Variants in FAR1 observed in about 807,000 individuals in gnomAD.
FAR1 encodes male sterility domain-containing protein 2.
A neutral mutation model predicts 61.1 loss-of-function variants in FAR1; 22 were observed. That is an observed-to-expected ratio of 0.36 (90% CI 0.26 to 0.51). The LOEUF (loss-of-function observed/expected upper bound fraction) is 0.51. FAR1 is among the 20% of genes least tolerant of loss of function. The pLI, the probability that FAR1 is intolerant of heterozygous loss-of-function variation, is 0.95. For synonymous variants in FAR1, 206 were observed against 209.7 expected (o/e 0.98, Z 0.15); for missense variants, 359 against 626.9 (o/e 0.57, Z 4.56).
intron 1 of FAR1, among the ~76,000 whole-genome samples, chr11:13,686,172 A>T (rs1848182791): frequency 6.6e-6 from 1 of 152,226 alleles, no homozygotes; most frequent in Non-Finnish European, 1.5e-5. Flanking sequence ...AAAGTTATTA[A>T]GGAGACTTTT....
At chr11:13,685,594 A>G (rs1213142819) in intron 1 of FAR1, 4 of 213,384 alleles carry the variant, frequency 1.9e-5, no homozygotes, top group South Asian at 1.6e-4. Flanking sequence ...GAGTGGGACA[A>G]TTTTTTGCTT....
intron 9 of FAR1, among the ~76,000 whole-genome samples, chr11:13,716,123 G>A (rs1848552921): frequency 6.6e-6 from 1 of 152,120 alleles, no homozygotes; most frequent in South Asian, 2.1e-4. Flanking sequence ...AAATGCAGAT[G>A]TAAATTCATG....
intron 1 of FAR1, among the ~76,000 whole-genome samples, chr11:13,677,354 C>G (rs918716596): frequency 6.6e-6 from 1 of 152,158 alleles, no homozygotes; most frequent in Non-Finnish European, 1.5e-5. Context: ...CTTTTTTATA[C>G]CTTTCTAGGA....
chr11:13,697,057 C>T (rs993949845), intron 2 of FAR1, among the ~76,000 whole-genome samples: 1 of 152,202 alleles, frequency 6.6e-6, no homozygotes, highest in African/African-American at 2.4e-5. Flanking sequence ...TGTTTTTAGA[C>T]ATCACCAAAT....
Position 13,714,649 on chromosome 11 carries a change from A to G in FAR1, c.1096A>G (p.Ile366Val), listed in dbSNP as rs1233646889. 6.2e-7 allele frequency: 1 copy of G among 1,612,528 alleles called. No homozygotes were observed. Among genetic ancestry groups the G allele is most frequent in the South Asian group, 1.1e-5 (1 of 90,938 alleles). ...SHKAPAFLYD[I>V]YLRMTGRSPR... is the part of the protein sequence containing the mutation. ...TAAGGCCCCAGCATTCCTGTATGAT[A>G]TCTACCTCAGGATGACTGGAAGAAG... is the stretch of plus-strand genomic sequence containing the variant. The change falls in exon 9 of 12, where the codon ATC becomes GTC. Residue 366 changes from isoleucine (I) to valine (V), a missense_variant. This residue lies in a region of FAR1 where 344 missense variants were observed against 570.3 expected (regional missense o/e 0.60). Coordinates refer to ENST00000354817, the MANE Select transcript of FAR1 (RefSeq NM_032228.6).
intron 1 of FAR1, among the ~76,000 whole-genome samples, chr11:13,673,056 A>G (rs2653366): frequency 0.98 from 148,501 of 152,290 alleles, 72,504 homozygotes; most frequent in Middle Eastern, 1. Flanking sequence ...CTGGATTTAG[A>G]TATAGCTGAT....
In FAR1 at chr11:13,723,362, CAAAA is replaced by C. The variant is rs71313446; in HGVS notation, c.1257+1521_1257+1524del. The C allele has an allele frequency of 7.5e-4, 195 of 259,384 alleles. 1 individual carries two copies. Among genetic ancestry groups the C allele is most frequent in the Admixed American group, 9.3e-4 (15 of 16,188 alleles). 16.1% of individuals were successfully genotyped at this position (259,384 alleles called of 1,614,324 possible). ...CTTGAACAATAGAGTGAGAGTCTCTCAAAAAAAAAAAAAAAAAAAAACCCCAAAA... is the reference window on the plus strand; with the variant it reads ...CTTGAACAATAGAGTGAGAGTCTCTCAAAAAAAAAAAAAAAAACCCCAAAA... On this transcript the variant is annotated intron_variant, in intron 10 of 11. Coordinates refer to ENST00000354817, the MANE Select transcript of FAR1 (RefSeq NM_032228.6).
intron 4 of FAR1, 143 bp from the exon 5 acceptor site, chr11:13,710,550 C>A: frequency 3.1e-6 from 2 of 644,624 alleles, no homozygotes; most frequent in Non-Finnish European, 5.0e-6. Flanking sequence ...AAAAATAAGA[C>A]TAAGTTCCAT....
chr11:13,716,582 C>A (rs564146130), intron 9 of FAR1, among the ~76,000 whole-genome samples: 13 of 152,154 alleles, frequency 8.5e-5, no homozygotes, highest in African/African-American at 3.1e-4. Context: ...TTAATGATAG[C>A]CTTAGGGGAA....
chr11:13,687,522 G>T (rs1001660868), intron 1 of FAR1, among the ~76,000 whole-genome samples: 1 of 152,152 alleles, frequency 6.6e-6, no homozygotes, highest in African/African-American at 2.4e-5. Flanking sequence ...TTCCTTTCAT[G>T]GCTTTTGCTT....
At chr11:13,702,319 A>AT (rs752625907) in intron 3 of FAR1, among the ~76,000 whole-genome samples, 12 of 152,190 alleles carry the variant, frequency 7.9e-5, no homozygotes, top group Non-Finnish European at 1.5e-4. Context: ...CCTGTATATT[A>AT]TTTTTTCTAC....
chr11:13,668,681 C>T lies in FAR1; in HGVS notation c.-133C>T, dbSNP rs552968829. 3.3e-5 allele frequency: 5 copies of T among 153,292 alleles called. No individual in the cohort carries two copies. The Admixed American group carries it at 3.3e-4, about 10-fold the overall frequency. 9.5% of individuals were successfully genotyped at this position (153,292 alleles called of 1,614,324 possible). A position where few individuals can be genotyped will look rare whatever the true frequency, so the allele number is the denominator to read the frequency against. On this transcript the variant is annotated 5_prime_UTR_variant, in exon 1 of 12. Transcript: ENST00000354817. ...GCCAATGGGCGTGCCACTGCCCGTC[C>T]GCTCTTCAGCAGCCGGTCGCGGGCG...
Position 13,712,987 on chromosome 11 carries a change from T to C in FAR1, c.909T>C (p.Tyr303=), listed in dbSNP as rs2293593. 1,243 of 1,613,200 alleles carry C rather than the reference T, an allele frequency of 7.7e-4. 19 individuals are homozygous for C. In the East Asian group the frequency reaches 0.021, roughly 28 times the overall value. ...GCAGACCAAGAAACATCATGGTGTA[T>C]AATTGTACAACAGGCAGCACTAATC... ...GVNRPRNIMV[Y]NCTTGSTNPF... Residue 303 remains tyrosine, a synonymous_variant, in exon 8 of 12, where the codon TAT becomes TAC. Coordinates refer to ENST00000354817, the MANE Select transcript of FAR1 (RefSeq NM_032228.6).
At chr11:13,724,568 A>C (rs950578718) in intron 10 of FAR1, among the ~76,000 whole-genome samples, 2 of 132,698 alleles carry the variant, frequency 1.5e-5, no homozygotes, top group Non-Finnish European at 3.3e-5. Context: ...AAAAAAAAAA[A>C]AGACTGTAGA....
intron 6 of FAR1, 26 bp from the exon 7 acceptor site, chr11:13,711,902 A>T (rs1441238662): frequency 6.3e-7 from 1 of 1,588,618 alleles, no homozygotes; most frequent in African/African-American, 1.3e-5. Flanking sequence ...ATATATCTTA[A>T]GGTGTTGTTT....
intron 1 of FAR1, among the ~76,000 whole-genome samples, chr11:13,672,029 T>C (rs1848010826): frequency 6.6e-6 from 1 of 152,170 alleles, no homozygotes; most frequent in African/African-American, 2.4e-5. Context: ...ACAAAGTATA[T>C]AGCTGAGAGA....
intron 1 of FAR1, among the ~76,000 whole-genome samples, chr11:13,670,443 C>T (rs1443746300): frequency 6.6e-6 from 1 of 152,054 alleles, no homozygotes; most frequent in East Asian, 1.9e-4. Context: ...GAGACATGCC[C>T]CACCGCACCG....
At chr11:13,711,502 T>C (rs1848498469) in intron 5 of FAR1, among the ~76,000 whole-genome samples, 1 of 152,198 alleles carries the variant, frequency 6.6e-6, no homozygotes, top group Admixed American at 6.5e-5. Context: ...AAACCCTCTT[T>C]TATAAATTTC....
chr11:13,678,231 T>G (rs553976486), intron 1 of FAR1, among the ~76,000 whole-genome samples: 100 of 152,246 alleles, frequency 6.6e-4, no homozygotes, highest in Non-Finnish European at 1.2e-3. Context: ...CTTAATAGTT[T>G]ATTCATAAGT....
Sources: allele counts gnomAD v4.1 joint callset (sites outside exome capture counted in the v4.1 genomes callset), GRCh38; gene constraint gnomAD v4.1.1; regional missense constraint gnomAD v4.1.1; transcripts MANE v1.5; gene names NCBI Gene and HGNC (gene_info 2026-07-23, HGNC 2026-07-21).